The following PSMA3 variants were observed in gnomAD, a reference collection of about 807,000 sequenced individuals.
The protein encoded by PSMA3 is proteasome 20S subunit alpha 3.
Under a neutral mutation model 40.0 loss-of-function variants are expected in PSMA3, and 8 were observed. That is an observed-to-expected ratio of 0.20 (90% confidence interval 0.12 to 0.36). PSMA3 has a LOEUF of 0.36. Ranked by LOEUF, PSMA3 falls within the 10% of genes least tolerant of loss-of-function variation. The probability of loss-of-function intolerance (pLI) is 1.00; values close to 1 mark genes in which losing one functional copy is unlikely to be tolerated. For synonymous variants in PSMA3, 110 were observed against 100.0 expected, an observed-to-expected ratio of 1.10 and a Z score of -0.59; for missense variants, 219 against 310.6, an observed-to-expected ratio of 0.70 and a Z score of 2.22.
At position 58,257,732 on chromosome 14, in the gene PSMA3, GCTTT is replaced by G; in HGVS notation, c.229-12_229-9del. The G allele has an allele frequency of 6.2e-7, 1 of 1,601,208 alleles. No homozygotes were observed. On this transcript the variant is annotated splice_polypyrimidine_tract_variant and intron_variant, in intron 3 of 10. Transcript: ENST00000216455. The stretch of plus-strand genomic sequence containing the variant: ...GAATGTGTTCCTCTAGTAAATTGGT[GCTTT>G]TTTTTCAGGCAGTAGCAGGTTTGTT...
rs1467281329 is a variant in PSMA3, at chr14:58,257,927, T to A, written c.333T>A (p.His111Gln). ...AGCTCTTCTGCTTCCCTCCATAGCA[T>A]CTTGCAGACAGAGTGGCCATGTATG... ...SNFGYNIPLK[H>Q]LADRVAMYVH... The change falls in exon 5 of 11, where the codon CAT becomes CAA. Residue 111 changes from histidine (H) to glutamine (Q), a missense_variant and splice_region_variant. Transcript: ENST00000216455. 2 of 1,613,704 alleles carry A rather than the reference T, an allele frequency of 1.2e-6. No homozygotes were observed. Among genetic ancestry groups the A allele is most frequent in the South Asian group, 2.2e-5 (2 of 91,084 alleles).
chr14:58,255,754 A>G (rs1003939358), intron 3 of PSMA3, among the ~76,000 whole-genome samples: 8 of 152,194 alleles, frequency 5.3e-5, no homozygotes, highest in Non-Finnish European at 1.0e-4. Context: ...GGGCAACAAG[A>G]GCAAAACTCC....
In PSMA3 at chr14:58,244,956, T is replaced by C; in HGVS notation, c.21+15T>C. Reference sequence around the variant, plus strand: ...TCGGCACTGGGGTGAGTTCGCTGTCTGTCGGTGTAATAGTTTAACCTAAGG... The same window carrying C: ...TCGGCACTGGGGTGAGTTCGCTGTCCGTCGGTGTAATAGTTTAACCTAAGG... On this transcript the variant is annotated intron_variant, in intron 1 of 10. Transcript: ENST00000216455. 4 of 1,614,194 alleles carry C rather than the reference T, an allele frequency of 2.5e-6. No individual in the cohort carries two copies. Among genetic ancestry groups the C allele is most frequent in the South Asian group, 1.1e-5 (1 of 91,086 alleles).
In PSMA3 at chr14:58,244,899, G is replaced by A. The variant is rs1889841987; in HGVS notation, c.-22G>A. 1 of 1,614,144 alleles carries A rather than the reference G, an allele frequency of 6.2e-7. No individual in the cohort carries two copies. The highest frequency in any genetic ancestry group is 1.3e-5 in the African/African-American group (1 of 75,038). On this transcript the variant is annotated 5_prime_UTR_variant, in exon 1 of 11. Coordinates refer to ENST00000216455, the MANE Select transcript of PSMA3 (RefSeq NM_002788.4). Reference sequence around the variant, plus strand: ...AGCGCTCCGGGCCTGGAATCCCTACGCGTCCCTTTGGGTTTAGCACGATGA... The same window carrying A: ...AGCGCTCCGGGCCTGGAATCCCTACACGTCCCTTTGGGTTTAGCACGATGA...
intron 2 of PSMA3, 56 bp downstream of exon 2, chr14:58,247,888 C>A: frequency 8.1e-7 from 1 of 1,233,600 alleles, no homozygotes. Context: ...ATATTTTTGG[C>A]GATTAGGCTT....
At chr14:58,246,229 T>C (rs968435989) in intron 1 of PSMA3, among the ~76,000 whole-genome samples, 1 of 152,178 alleles carries the variant, frequency 6.6e-6, no homozygotes, top group Non-Finnish European at 1.5e-5. Context: ...CGTTTAATAG[T>C]CATTTCGTAC....
At chr14:58,269,266 A>T (rs1160114638) in intron 8 of PSMA3, among the ~76,000 whole-genome samples, 1 of 152,038 alleles carries the variant, frequency 6.6e-6, no homozygotes. Flanking sequence ...AATATGTTGC[A>T]TGACAGTGCC....
intron 3 of PSMA3, among the ~76,000 whole-genome samples, chr14:58,252,981 C>CTT (rs1231347254): frequency 1.5e-5 from 2 of 132,386 alleles, no homozygotes; most frequent in Non-Finnish European, 3.3e-5. Context: ...ATGTCATTTT[C>CTT]TTTTTTTTTT....
At chr14:58,269,735 T>G (rs1890559101) in intron 8 of PSMA3, 1 of 152,118 alleles carries the variant, frequency 6.6e-6, no homozygotes, top group African/African-American at 2.4e-5. Context: ...GTCCAGCCAA[T>G]TAGTTGGTTT....
Position 58,270,997 on chromosome 14 carries a change from A to C in PSMA3, c.722A>C (p.Lys241Thr). The C allele has an allele frequency of 6.2e-7, 1 of 1,604,678 alleles. No homozygotes were observed. The highest frequency in any genetic ancestry group is 8.5e-7 in the Non-Finnish European group (1 of 1,174,096). ...DIREEAEKYA[K>T]ESLKEEDESD... ...AGAGAAGAAGCAGAGAAATATGCTA[A>C]GGTAAGCCACAGCACAAAAACTTCT... Residue 241 changes from lysine to threonine, a missense_variant and splice_region_variant, in exon 10 of 11, where the codon AAG (lysine) becomes ACG (threonine). By Grantham distance (78) the Lys-to-Thr change is moderately conservative. Transcript: ENST00000216455.
intron 6 of PSMA3, 151 bp downstream of exon 6, chr14:58,261,171 C>A: frequency 3.4e-6 from 2 of 596,616 alleles, no homozygotes; most frequent in Non-Finnish European, 5.6e-6. Flanking sequence ...AACCTCTTGT[C>A]CAACAGAATT....
At chr14:58,254,613 G>T (rs2140084213) in intron 3 of PSMA3, among the ~76,000 whole-genome samples, 1 of 151,868 alleles carries the variant, frequency 6.6e-6, no homozygotes, top group South Asian at 2.1e-4. Context: ...TGAGATTACA[G>T]GCATGAGCCA....
chr14:58,263,484 G>T (rs1421903292), intron 6 of PSMA3: 9 of 393,650 alleles, frequency 2.3e-5, no homozygotes, highest in Non-Finnish European at 3.7e-5. Flanking sequence ...CATATTTTTG[G>T]ATATACCTTT....
intron 10 of PSMA3, among the ~76,000 whole-genome samples, chr14:58,271,457 G>T (rs769708827): frequency 1.3e-5 from 2 of 150,082 alleles, no homozygotes; most frequent in Non-Finnish European, 2.9e-5. Context: ...CGCCTCCCAA[G>T]TAGCTGGGAT....
intron 3 of PSMA3, among the ~76,000 whole-genome samples, chr14:58,253,920 A>T (rs11624108): frequency 6.6e-6 from 1 of 152,184 alleles, no homozygotes; most frequent in African/African-American, 2.4e-5. Context: ...TTAAAGGATG[A>T]ATAGTATTCC....
intron 2 of PSMA3, among the ~76,000 whole-genome samples, chr14:58,251,480 C>T (rs1013503065): frequency 3.3e-5 from 5 of 152,046 alleles, no homozygotes; most frequent in Admixed American, 6.5e-5. Flanking sequence ...TGCCCAGGCT[C>T]GTCTTGGACT....
intron 3 of PSMA3, among the ~76,000 whole-genome samples, chr14:58,255,386 C>T (rs1890119898): frequency 6.6e-6 from 1 of 152,224 alleles, no homozygotes; most frequent in South Asian, 2.1e-4. Context: ...AGCCAAGCTT[C>T]TCAAAGATGT....
intron 8 of PSMA3, among the ~76,000 whole-genome samples, chr14:58,268,439 CT>C (rs1390723065): frequency 6.6e-6 from 1 of 152,112 alleles, no homozygotes; most frequent in Non-Finnish European, 1.5e-5. Context: ...CTCAGAGTCT[CT>C]TATTAACCGG....
chr14:58,265,745 A>AT (rs1890421498), intron 7 of PSMA3: 1 of 152,368 alleles, frequency 6.6e-6, no homozygotes, highest in Admixed American at 6.5e-5. Flanking sequence ...ACTTTTTAGG[A>AT]TGCAATTAAT....
Sources: allele counts gnomAD v4.1 joint callset (sites outside exome capture counted in the v4.1 genomes callset), GRCh38; gene constraint gnomAD v4.1.1; transcripts MANE v1.5; gene names NCBI Gene and HGNC (gene_info 2026-07-23, HGNC 2026-07-21).